Variants in TGM7 observed in about 807,000 individuals in gnomAD.
TGM7 encodes transglutaminase 7, also known as protein-glutamine gamma-glutamyltransferase Z.
Under a neutral mutation model 79.5 loss-of-function variants are expected in TGM7, and 74 were observed. That is an observed-to-expected ratio of 0.93 (90% confidence interval 0.77 to 1.13). The LOEUF (loss-of-function observed/expected upper bound fraction) is 1.13. TGM7 is among the 50% of genes most tolerant of loss of function. The pLI is 0.00. For synonymous variants in TGM7, 354 were observed against 362.5 expected, an observed-to-expected ratio of 0.98 and a Z score of 0.27; for missense variants, 912 against 905.9, an observed-to-expected ratio of 1.01 and a Z score of -0.09.
At chr15:43,278,570 C>T (rs1167712781) in intron 11 of TGM7, among the ~76,000 whole-genome samples, 2 of 152,208 alleles carry the variant, frequency 1.3e-5, no homozygotes, top group Non-Finnish European at 2.9e-5. Context: ...CCCACCTCAG[C>T]CTCCTGAGTA....
intron 4 of TGM7, 109 bp downstream of exon 4, chr15:43,291,870 T>C: frequency 1.3e-6 from 1 of 745,048 alleles, no homozygotes; most frequent in Non-Finnish European, 2.3e-6. Context: ...TCGCCTGTAT[T>C]AGTGGCCCTC....
At chr15:43,277,115 G>A (rs1473332593) in intron 11 of TGM7, 120 bp from the exon 12 acceptor site, 8 of 1,302,496 alleles carry the variant, frequency 6.1e-6, no homozygotes, top group East Asian at 4.7e-5. Context: ...GAGCTAATGT[G>A]CCACAGTGGC....
At position 43,276,494 on chromosome 15, in the gene TGM7, G is replaced by A. The variant is rs1470425178; in HGVS notation, c.2094C>T (p.Gly698=). 8 of 1,614,122 alleles carry A rather than the reference G, an allele frequency of 5.0e-6. No homozygotes were observed. The highest frequency in any genetic ancestry group is 6.8e-6 in the Non-Finnish European group (8 of 1,180,012). Residue 698 remains glycine, a synonymous_variant, in exon 13 of 13, where the codon GGC becomes GGT. Transcript: ENST00000452443. ...ISSNEVKEIK[G]YKDIFVTVAG... ...CCACAGTGACGAAGATGTCCTTGTA[G>A]CCTTTGATCTCCTTGACCTCGTTGC...
At chr15:43,279,391 T>C in intron 10 of TGM7, 114 bp from the exon 11 acceptor site, 1 of 1,270,362 alleles carries the variant, frequency 7.9e-7, no homozygotes, top group Non-Finnish European at 1.1e-6. Context: ...AAAGTGTGTG[T>C]GAGAGACAGA....
At chr15:43,301,068 A>T (rs1229110579) in intron 1 of TGM7, among the ~76,000 whole-genome samples, 1 of 151,152 alleles carries the variant, frequency 6.6e-6, no homozygotes, top group Non-Finnish European at 1.5e-5. Context: ...TGCAGCTTTG[A>T]CCCCCCCAGG....
chr15:43,291,452 A>C (rs1196450719), intron 4 of TGM7, among the ~76,000 whole-genome samples: 2 of 152,264 alleles, frequency 1.3e-5, no homozygotes, highest in Non-Finnish European at 2.9e-5. Flanking sequence ...GACTACATCT[A>C]AATGAATGAA....
Position 43,276,301 on chromosome 15 carries a change from T to G in TGM7, c.*154A>C. ...GTGATAAATAAAGACATCTTTATTG[T>G]CTCTTCCCAAAGCACACGGTGTTTC... On this transcript the variant is annotated 3_prime_UTR_variant, in exon 13 of 13. Coordinates refer to ENST00000452443, the MANE Select transcript of TGM7 (RefSeq NM_052955.3). The G allele has an allele frequency of 1.1e-6, 1 of 895,340 alleles. No homozygotes were observed. The allele number at this position is 895,340 out of a possible 1,614,324, so 55.5% of individuals were successfully genotyped here. A position where few individuals can be genotyped will look rare whatever the true frequency, so the allele number is the denominator to read the frequency against.
chr15:43,277,068 C>A, intron 11 of TGM7, 73 bp from the exon 12 acceptor site: 1 of 1,562,284 alleles, frequency 6.4e-7, no homozygotes, highest in East Asian at 2.3e-5. Flanking sequence ...TTACCCCCAC[C>A]CCCAGGTCCC....
intron 1 of TGM7, among the ~76,000 whole-genome samples, chr15:43,294,527 C>T (rs1250400474): frequency 6.6e-6 from 1 of 152,210 alleles, no homozygotes; most frequent in Non-Finnish European, 1.5e-5. Flanking sequence ...CATGGAAGGA[C>T]CTTGGCGTTG....
At chr15:43,284,994 C>T (rs1032318587) in intron 6 of TGM7, 42 bp from the exon 7 acceptor site, 4 of 1,608,690 alleles carry the variant, frequency 2.5e-6, no homozygotes, top group African/African-American at 2.7e-5. Context: ...TCATTTCAGG[C>T]AGAATTATTG....
At chr15:43,287,691 G>A in intron 4 of TGM7, 22 bp from the exon 5 acceptor site, 2 of 1,590,610 alleles carry the variant, frequency 1.3e-6, no homozygotes, top group Admixed American at 1.9e-5. Flanking sequence ...TTTTAAGGGA[G>A]AAAAAAGAGA....
In TGM7 at chr15:43,276,621, G is replaced by C. The variant is rs749959821; in HGVS notation, c.1974-7C>G. ...GGCCACCAGAGTCCCAAGGCTGAAA[G>C]TCAGAAACAGCCTGTGAGAGCCTCG... On this transcript the variant is annotated splice_polypyrimidine_tract_variant and splice_region_variant and intron_variant, in intron 12 of 12. Coordinates refer to ENST00000452443, the MANE Select transcript of TGM7 (RefSeq NM_052955.3). 1.2e-6 allele frequency: 2 copies of C among 1,611,626 alleles called. No homozygotes were observed. The highest frequency in any genetic ancestry group is 1.7e-6 in the Non-Finnish European group (2 of 1,178,712).
chr15:43,291,971 A>G lies in TGM7; in HGVS notation c.558+8T>C. On this transcript the variant is annotated splice_region_variant and intron_variant, in intron 4 of 12. Transcript: ENST00000452443. ...CCACCCCAGGCCCACATTGGGTAAT[A>G]GTGTTACCTGCCCGTAGTTCCAGGG... The G allele has an allele frequency of 6.2e-7, 1 of 1,608,332 alleles. No individual in the cohort carries two copies. The highest frequency in any genetic ancestry group is 8.5e-7 in the Non-Finnish European group (1 of 1,174,930).
chr15:43,286,883 GC>G (rs886357276), intron 6 of TGM7, among the ~76,000 whole-genome samples: 3 of 152,194 alleles, frequency 2.0e-5, no homozygotes, highest in Admixed American at 6.5e-5. Flanking sequence ...TTTGGGGGCT[GC>G]TAGCTCTGCC....
chr15:43,288,321 C>A (rs1367443948), intron 4 of TGM7, among the ~76,000 whole-genome samples: 1 of 152,140 alleles, frequency 6.6e-6, no homozygotes, highest in African/African-American at 2.4e-5. Flanking sequence ...ACGTGCTCTC[C>A]CTCAGCAAGG....
At chr15:43,289,820 A>G (rs931133404) in intron 4 of TGM7, among the ~76,000 whole-genome samples, 3 of 152,206 alleles carry the variant, frequency 2.0e-5, no homozygotes, top group African/African-American at 7.2e-5. Context: ...GCCAGTGATG[A>G]TGAGCATTTT....
chr15:43,288,415 T>C (rs2142411622), intron 4 of TGM7, among the ~76,000 whole-genome samples: 1 of 151,910 alleles, frequency 6.6e-6, no homozygotes, highest in African/African-American at 2.4e-5. Context: ...CCTGCGGGGG[T>C]TGAGAGTGGA....
Position 43,279,736 on chromosome 15 carries a change from C to T in TGM7, c.1567G>A (p.Gly523Arg). Residue 523 changes from glycine to arginine, a missense_variant, in exon 10 of 13, where the codon GGG becomes AGG. Transcript: ENST00000452443. ...QRVPDSTHPR[G>R]PIGLVVRFCA... The stretch of plus-strand genomic sequence containing the variant: ...AAGCGCACCACCAGTCCGATGGGCC[C>T]CCGAGGGTGGGTGCTGTCTGGCACC... The T allele has an allele frequency of 5.0e-6, 8 of 1,614,060 alleles. No individual in the cohort carries two copies. Among genetic ancestry groups the T allele is most frequent in the Non-Finnish European group, 5.9e-6 (7 of 1,180,042 alleles).
At chr15:43,291,124 G>T (rs1039083574) in intron 4 of TGM7, among the ~76,000 whole-genome samples, 1 of 152,180 alleles carries the variant, frequency 6.6e-6, no homozygotes, top group Non-Finnish European at 1.5e-5. Context: ...GTGAGAGAGG[G>T]CGTCCCTGTC....
Sources: gnomAD v4.1 joint callset for allele counts (sites outside exome capture counted in the v4.1 genomes callset) on GRCh38, gnomAD v4.1.1 for gene constraint, MANE v1.5 for transcripts, NCBI Gene and HGNC (gene_info 2026-07-23, HGNC 2026-07-21) for gene names.